Variants in TMEM200A observed in about 807,000 individuals in gnomAD.
TMEM200A encodes the protein transmembrane protein 200A, also known as two transmembrane C.
In TMEM200A, 12 loss-of-function variants were observed where a neutral mutation model predicts 24.3. The observed-to-expected ratio is 0.49, with a 90% CI of 0.32 to 0.80. The LOEUF (loss-of-function observed/expected upper bound fraction) is 0.80. Among genes scored for constraint, TMEM200A ranks in the 30% least tolerant of loss-of-function variants. The pLI is 0.04. For synonymous variants in TMEM200A, 224 were observed against 224.4 expected (o/e 1.00, Z 0.02); for missense variants, 545 against 614.4 (o/e 0.89, Z 1.19).
At chr6:130,389,648 T>C (rs1253333871) in intron 2 of TMEM200A, among the ~76,000 whole-genome samples, 1 of 151,814 alleles carries the variant, frequency 6.6e-6, no homozygotes, top group Non-Finnish European at 1.5e-5. Context: ...ACACCAATAA[T>C]AACAATAATA....
intron 1 of TMEM200A, among the ~76,000 whole-genome samples, chr6:130,383,433 G>C (rs1309255827): frequency 6.6e-6 from 1 of 152,154 alleles, no homozygotes; most frequent in Non-Finnish European, 1.5e-5. Flanking sequence ...AAACGTTCAT[G>C]ATGCCGTCTT....
chr6:130,404,013 C>G (rs1779149546), intron 2 of TMEM200A, among the ~76,000 whole-genome samples: 1 of 152,090 alleles, frequency 6.6e-6, no homozygotes, highest in Non-Finnish European at 1.5e-5. Flanking sequence ...CCTATTCTTT[C>G]TTATGACTGC....
chr6:130,369,825 A>G (rs1480907580), intron 1 of TMEM200A, among the ~76,000 whole-genome samples: 7 of 152,172 alleles, frequency 4.6e-5, no homozygotes, highest in East Asian at 3.9e-4. Flanking sequence ...GTGTCTGTAC[A>G]TTCCTTCCTG....
intron 2 of TMEM200A, among the ~76,000 whole-genome samples, chr6:130,410,303 A>G (rs2115156963): frequency 1.3e-5 from 2 of 152,322 alleles, no homozygotes; most frequent in South Asian, 4.1e-4. Flanking sequence ...AGTAAGAGAC[A>G]ACTAAAGGGC....
chr6:130,369,070 A>G (rs1253126244), intron 1 of TMEM200A, among the ~76,000 whole-genome samples: 1 of 152,188 alleles, frequency 6.6e-6, no homozygotes, highest in Non-Finnish European at 1.5e-5. Context: ...TGCTAGTTGT[A>G]TTGAATGGGA....
upstream of TMEM200A, chr6:130,365,702 G>C (rs1339375121): frequency 5.1e-6 from 5 of 985,388 alleles, no homozygotes; most frequent in African/African-American, 7.0e-5. Flanking sequence ...CTTCCAGCCC[G>C]GGAAGAGCGC....
At chr6:130,432,832 A>G (rs1036614625) in intron 2 of TMEM200A, among the ~76,000 whole-genome samples, 23 of 152,148 alleles carry the variant, frequency 1.5e-4, no homozygotes, top group Admixed American at 1.5e-3. Flanking sequence ...CAACAATCCT[A>G]CAGGTACTGT....
rs955490551 is a variant in TMEM200A at position 130,366,791 on chromosome 6, A to G, written c.-81+267A>G. Among the ~76,000 whole-genome samples the G allele has an allele frequency of 6.6e-6, 1 of 152,166 alleles. No homozygotes were observed. The highest frequency in any genetic ancestry group is 2.4e-5 in the African/African-American group (1 of 41,452). On this transcript the variant is annotated intron_variant, in intron 1 of 2. Transcript: ENST00000296978. This position sits in a 1 kb window ranked among gnomAD's most constrained non-coding sequence, Gnocchi z 4.4. ...CTGGAGCGCCTGGCTGGGTTTCTCC[A>G]AGCAACACCCTCCTTTGTCTCGGTT...
At chr6:130,391,964 C>T (rs533438598) in intron 2 of TMEM200A, among the ~76,000 whole-genome samples, 3 of 152,114 alleles carry the variant, frequency 2.0e-5, no homozygotes, top group South Asian at 2.1e-4. Context: ...AGGATGGTCT[C>T]GATCTCCTGA....
At chr6:130,408,262 G>T (rs1779252159) in intron 2 of TMEM200A, among the ~76,000 whole-genome samples, 1 of 152,192 alleles carries the variant, frequency 6.6e-6, no homozygotes, top group South Asian at 2.1e-4. Flanking sequence ...TCAGGAGGGA[G>T]CATTCTGGGT....
At chr6:130,408,437 A>G (rs1779255683) in intron 2 of TMEM200A, among the ~76,000 whole-genome samples, 1 of 152,158 alleles carries the variant, frequency 6.6e-6, no homozygotes, top group Admixed American at 6.6e-5. Flanking sequence ...CTACTTTCCA[A>G]AATCTCTGGA....
chr6:130,440,829 GCATTTT>G lies in TMEM200A; in HGVS notation c.419_424del (p.Phe140_Ile141del). On this transcript the variant is annotated inframe_deletion, in exon 3 of 3. Coordinates refer to ENST00000296978, the MANE Select transcript of TMEM200A (RefSeq NM_001258277.2). ...CTTGGCCCATTCACCATGGGGATTG[GCATTTT>G]CATTTTCATTTGTGCTAATGCCATT... The G allele has an allele frequency of 6.2e-7, 1 of 1,613,824 alleles. No individual in the cohort carries two copies. The highest frequency in any genetic ancestry group is 8.5e-7 in the Non-Finnish European group (1 of 1,179,872).
At chr6:130,383,720 A>G (rs1778652916) in intron 1 of TMEM200A, among the ~76,000 whole-genome samples, 1 of 152,076 alleles carries the variant, frequency 6.6e-6, no homozygotes, top group South Asian at 2.1e-4. Flanking sequence ...ATAAAAGATT[A>G]TTTTTTCCTT....
Position 130,366,833 on chromosome 6 carries a change from C to G in TMEM200A, c.-81+309C>G, listed in dbSNP as rs1238849352. On this transcript the variant is annotated intron_variant, in intron 1 of 2. Transcript: ENST00000296978. This position sits in a 1 kb window ranked among gnomAD's most constrained non-coding sequence, Gnocchi z 4.4. ...GTCTCGGTTCCTGAGAGTCAGCATTCTCTGTAATGTCCACAGCGTTAATTC... is the reference window on the plus strand; with the variant it reads ...GTCTCGGTTCCTGAGAGTCAGCATTGTCTGTAATGTCCACAGCGTTAATTC... Among the ~76,000 whole-genome samples the G allele has an allele frequency of 6.6e-6, 1 of 152,176 alleles. No individual in the cohort carries two copies. The highest frequency in any genetic ancestry group is 2.4e-5 in the African/African-American group (1 of 41,450).
chr6:130,403,836 T>G (rs930606853), intron 2 of TMEM200A, among the ~76,000 whole-genome samples: 3 of 152,078 alleles, frequency 2.0e-5, no homozygotes, highest in Admixed American at 2.0e-4. Context: ...CCCTTCAACC[T>G]CAAGTAGGCC....
intron 1 of TMEM200A, among the ~76,000 whole-genome samples, chr6:130,375,401 G>A (rs916344693): frequency 1.3e-5 from 2 of 152,194 alleles, no homozygotes; most frequent in Admixed American, 1.3e-4. Context: ...TCAGGAGAAG[G>A]TTTATTAATT....
At chr6:130,414,088 C>T (rs1779392824) in intron 2 of TMEM200A, among the ~76,000 whole-genome samples, 1 of 152,032 alleles carries the variant, frequency 6.6e-6, no homozygotes, top group Non-Finnish European at 1.5e-5. Flanking sequence ...ACCTGCTTCT[C>T]ACTGTTCTCA....
In TMEM200A at chr6:130,383,444, A is replaced by T. The variant is rs79318817; in HGVS notation, c.-80-1729A>T. Among the ~76,000 whole-genome samples, 22 of 152,286 alleles carry T rather than the reference A, an allele frequency of 1.4e-4. No individual in the cohort carries two copies. In the East Asian group the frequency reaches 4.1e-3, roughly 28 times the overall value. ...TTTGAAACGTTCATGATGCCGTCTT[A>T]ATAAAGTTGAAGTTTGAAAACTTGA... On this transcript the variant is annotated intron_variant, in intron 1 of 2. Coordinates refer to ENST00000296978, the MANE Select transcript of TMEM200A (RefSeq NM_001258277.2).
chr6:130,367,987 G>T (rs1378456312), intron 1 of TMEM200A, among the ~76,000 whole-genome samples: 1 of 152,204 alleles, frequency 6.6e-6, no homozygotes, highest in Non-Finnish European at 1.5e-5. Flanking sequence ...GCACAGAAAG[G>T]CTTCACCTGT....
Sources: gnomAD v4.1 joint callset for allele counts (sites outside exome capture counted in the v4.1 genomes callset) on GRCh38, gnomAD v4.1.1 for gene constraint, Gnocchi (gnomAD v3.1) non-coding constraint, MANE v1.5 for transcripts, NCBI Gene and HGNC (gene_info 2026-07-23, HGNC 2026-07-21) for gene names.